AP4E1: variants seen among roughly 807,000 people sequenced by gnomAD.
AP4E1 encodes the protein AP-4 complex subunit epsilon-1.
AP4E1 carries 56 observed loss-of-function variants against 128.2 expected under a neutral mutation model. That is an observed-to-expected ratio of 0.44 (90% confidence interval 0.35 to 0.55). AP4E1 has a LOEUF of 0.55. Ranked by LOEUF, AP4E1 falls within the 20% of genes least tolerant of loss-of-function variation. The pLI, the probability that AP4E1 is intolerant of heterozygous loss-of-function variation, is 0.00. For synonymous variants in AP4E1, 484 were observed against 473.1 expected, an observed-to-expected ratio of 1.02 and a Z score of -0.30; for missense variants, 1,324 against 1,307.7, an observed-to-expected ratio of 1.01 and a Z score of -0.19.
chr15:50,941,404 T>TA, intron 8 of AP4E1, 38 bp from the exon 9 acceptor site: 1 of 1,604,046 alleles, frequency 6.2e-7, no homozygotes, highest in Non-Finnish European at 8.5e-7. Context: ...TGTTATACCT[T>TA]ACCATGATAC....
At chr15:50,943,527 G>T (rs905778323) in intron 10 of AP4E1, among the ~76,000 whole-genome samples, 4 of 152,088 alleles carry the variant, frequency 2.6e-5, no homozygotes, top group African/African-American at 7.2e-5. Context: ...AAATAAGAAG[G>T]CTCGAAGAGA....
At chr15:51,001,829 A>G (rs1306883471) in intron 20 of AP4E1, among the ~76,000 whole-genome samples, 4 of 151,980 alleles carry the variant, frequency 2.6e-5, no homozygotes, top group African/African-American at 7.3e-5. Flanking sequence ...TCAGTTCTTT[A>G]TTTGGTTATA....
chr15:50,998,734 C>T (rs1217933781), intron 18 of AP4E1, among the ~76,000 whole-genome samples: 1 of 152,078 alleles, frequency 6.6e-6, no homozygotes, highest in East Asian at 1.9e-4. Context: ...GAATAGATGA[C>T]ATCTGTATTT....
intron 15 of AP4E1, among the ~76,000 whole-genome samples, chr15:50,969,186 C>G (rs1448371693): frequency 6.6e-6 from 1 of 152,070 alleles, no homozygotes; most frequent in Non-Finnish European, 1.5e-5. Flanking sequence ...AAGGCCCCAG[C>G]ATGTATTGTT....
intron 14 of AP4E1, among the ~76,000 whole-genome samples, chr15:50,963,049 A>G (rs2064338067): frequency 6.6e-6 from 1 of 152,112 alleles, no homozygotes; most frequent in Non-Finnish European, 1.5e-5. Flanking sequence ...CCACCATGAG[A>G]TATTATTTCA....
At chr15:50,961,011 A>G (rs538082782) in intron 14 of AP4E1, among the ~76,000 whole-genome samples, 1 of 152,146 alleles carries the variant, frequency 6.6e-6, no homozygotes, top group East Asian at 1.9e-4. Flanking sequence ...ACACTAACAA[A>G]CTGGAAAACC....
At chr15:50,989,990 G>C (rs999674081) in intron 16 of AP4E1, among the ~76,000 whole-genome samples, 5 of 152,058 alleles carry the variant, frequency 3.3e-5, no homozygotes, top group African/African-American at 1.2e-4. Context: ...ACAGTCCCTG[G>C]CAACCTGAGA....
At chr15:50,930,256 A>ATG (rs2063817265) in intron 6 of AP4E1, among the ~76,000 whole-genome samples, 2 of 30,660 alleles carry the variant, frequency 6.5e-5, no homozygotes, top group African/African-American at 1.3e-4. Flanking sequence ...TAGTAGAACC[A>ATG]GGGTTTCACC....
At chr15:50,988,464 G>C (rs544746487) in intron 16 of AP4E1, among the ~76,000 whole-genome samples, 2 of 151,980 alleles carry the variant, frequency 1.3e-5, no homozygotes, top group South Asian at 2.1e-4. Context: ...ACAGGCTCCT[G>C]CCACCATACC....
rs548380135 is a variant in AP4E1 at position 50,936,243 on chromosome 15, A to T, written c.943+1546A>T. ...TGAGAAGATCTAGAAAAGTGTCAGAATTTTTCCAGTAAGTTAAAGTAATTT... is the reference window on the plus strand; with the variant it reads ...TGAGAAGATCTAGAAAAGTGTCAGATTTTTTCCAGTAAGTTAAAGTAATTT... On this transcript the variant is annotated intron_variant, in intron 8 of 20. Transcript: ENST00000261842. Among the ~76,000 whole-genome samples the T allele has an allele frequency of 3.9e-5, 6 of 152,252 alleles. No homozygotes were observed. In the South Asian group the frequency reaches 1.2e-3, roughly 32 times the overall value.
At chr15:50,982,512 A>G (rs1354038264) in intron 15 of AP4E1, among the ~76,000 whole-genome samples, 2 of 152,184 alleles carry the variant, frequency 1.3e-5, no homozygotes, top group Non-Finnish European at 2.9e-5. Context: ...CTGTATGTAT[A>G]AAAAGGTCCT....
chr15:50,949,818 G>GTTC lies in AP4E1; in HGVS notation c.1317-7_1317-6insTCT. On this transcript the variant is annotated splice_polypyrimidine_tract_variant and splice_region_variant and intron_variant, in intron 11 of 20. Transcript: ENST00000261842. ...TGGAAGTGTACTTGTTCTTAACACT[G>GTTC]TGGACACATATGCTCCTGATAATGC... is the stretch of plus-strand genomic sequence containing the variant. 1.3e-6 allele frequency: 2 copies of GTTC among 1,595,300 alleles called. No homozygotes were observed. Among genetic ancestry groups the GTTC allele is most frequent in the Non-Finnish European group, 1.7e-6 (2 of 1,163,148 alleles).
rs2064993174 is a variant in AP4E1, at chr15:51,003,938, G to A, written c.*1276G>A. 6.6e-6 allele frequency: 1 copy of A among 152,396 alleles called. No homozygotes were observed. Among genetic ancestry groups the A allele is most frequent in the African/African-American group, 2.4e-5 (1 of 41,428 alleles). The allele number at this position is 152,396 out of a possible 1,614,324, so 9.4% of individuals were successfully genotyped here. A position where few individuals can be genotyped will look rare whatever the true frequency, so the allele number is the denominator to read the frequency against. Reference sequence around the variant, plus strand: ...TCATGGCTGATAAAGAAGCTAAGGGGATTCTCCAGATCTAATAGATTTCAT... The same window carrying A: ...TCATGGCTGATAAAGAAGCTAAGGGAATTCTCCAGATCTAATAGATTTCAT... On this transcript the variant is annotated 3_prime_UTR_variant, in exon 21 of 21. Coordinates refer to ENST00000261842, the MANE Select transcript of AP4E1 (RefSeq NM_007347.5).
At chr15:50,999,999 ATGTAT>A (rs1418628251) in intron 19 of AP4E1, among the ~76,000 whole-genome samples, 3 of 152,062 alleles carry the variant, frequency 2.0e-5, no homozygotes, top group Non-Finnish European at 2.9e-5. Flanking sequence ...TGTTTTATAA[ATGTAT>A]TGTACTGTTT....
intron 3 of AP4E1, among the ~76,000 whole-genome samples, chr15:50,917,653 A>G (rs2063645774): frequency 6.6e-6 from 1 of 152,192 alleles, no homozygotes; most frequent in Non-Finnish European, 1.5e-5. Context: ...GTATTCATGG[A>G]ATTGATAAGA....
At chr15:50,912,736 C>T (rs997212593) in intron 2 of AP4E1, among the ~76,000 whole-genome samples, 13 of 151,298 alleles carry the variant, frequency 8.6e-5, no homozygotes, top group Non-Finnish European at 1.9e-4. Flanking sequence ...GATCTCAGCT[C>T]ACTGCAACCT....
At chr15:50,915,384 A>T in intron 2 of AP4E1, 64 bp from the exon 3 acceptor site, 2 of 1,520,596 alleles carry the variant, frequency 1.3e-6, no homozygotes, top group Admixed American at 1.7e-5. Context: ...AATTATGAGA[A>T]CATAGTTAAA....
chr15:50,947,994 G>T (rs771704594), intron 10 of AP4E1, 26 bp from the exon 11 acceptor site: 7 of 1,523,962 alleles, frequency 4.6e-6, no homozygotes, highest in Non-Finnish European at 6.3e-6. Flanking sequence ...TTATAATATT[G>T]TTTTTAATTT....
intron 8 of AP4E1, among the ~76,000 whole-genome samples, chr15:50,941,041 T>G (rs2141174311): frequency 6.6e-6 from 1 of 152,250 alleles, no homozygotes; most frequent in African/African-American, 2.4e-5. Context: ...ACGTGGGAAA[T>G]ATCTTTTTAT....
Sources: gnomAD v4.1 joint callset for allele counts (sites outside exome capture counted in the v4.1 genomes callset) on GRCh38, gnomAD v4.1.1 for gene constraint, MANE v1.5 for transcripts, NCBI Gene and HGNC (gene_info 2026-07-23, HGNC 2026-07-21) for gene names.